Variants in MCHR2 observed in about 807,000 individuals in gnomAD.
MCHR2 encodes melanin-concentrating hormone receptor 2.
MCHR2 carries 15 observed loss-of-function variants against 24.8 expected under a neutral mutation model. That is an observed-to-expected ratio of 0.60 (90% CI 0.40 to 0.93). MCHR2 has a LOEUF of 0.93. MCHR2 is among the 40% of genes least tolerant of loss of function. The pLI, the probability that MCHR2 is intolerant of heterozygous loss-of-function variation, is 0.00. For missense variants in MCHR2, 386 were observed against 408.7 expected (o/e 0.94, Z 0.48); for synonymous variants, 151 against 147.6 (o/e 1.02, Z -0.17).
chr6:99,928,048 T>G (rs1383545733), intron 5 of MCHR2, among the ~76,000 whole-genome samples: 3 of 152,062 alleles, frequency 2.0e-5, no homozygotes, highest in Non-Finnish European at 4.4e-5. Context: ...TAGCATGAAG[T>G]GTTGTTGAAT....
chr6:99,927,623 T>A (rs564168459), intron 5 of MCHR2, among the ~76,000 whole-genome samples: 2 of 152,180 alleles, frequency 1.3e-5, no homozygotes, highest in East Asian at 3.9e-4. Context: ...TCACTCATGA[T>A]TTGGCTCTCT....
At chr6:99,976,124 T>A (rs1036200124) in intron 1 of MCHR2, among the ~76,000 whole-genome samples, 1 of 152,168 alleles carries the variant, frequency 6.6e-6, no homozygotes, top group Non-Finnish European at 1.5e-5. Flanking sequence ...CATTACAAAT[T>A]TTAAAAAGTT....
chr6:99,986,803 TTATATACATGGACCCTTAAG>T, intron 1 of MCHR2, among the ~76,000 whole-genome samples: 1 of 151,230 alleles, frequency 6.6e-6, no homozygotes, highest in South Asian at 2.1e-4. Context: ...CATGGATATA[TTATATACATGGACCCTTAAG>T]TATATACATG....
intron 5 of MCHR2, among the ~76,000 whole-genome samples, chr6:99,924,794 T>G (rs912271672): frequency 2.6e-5 from 4 of 152,120 alleles, no homozygotes; most frequent in African/African-American, 9.6e-5. Context: ...ATTTGAATTT[T>G]TAAAGACTTG....
chr6:99,944,800 C>T (rs11961103), intron 3 of MCHR2, among the ~76,000 whole-genome samples: 9 of 152,124 alleles, frequency 5.9e-5, no homozygotes, highest in African/African-American at 2.2e-4. Context: ...AGTGGTTTTC[C>T]ATCAATTTTC....
intron 2 of MCHR2, among the ~76,000 whole-genome samples, chr6:99,954,520 G>A (rs749121198): frequency 3.9e-5 from 6 of 152,212 alleles, no homozygotes; most frequent in Middle Eastern, 3.4e-3. Context: ...AACACACAGC[G>A]TCTCCAAGGG....
In MCHR2 at chr6:99,920,865, G is replaced by T. The variant is rs1774208172; in HGVS notation, c.*75C>A. ...CAAGAAGAATGGGCATAAACATATC[G>T]GTACACCTGCCCTTTCTGATAATAC... On this transcript the variant is annotated 3_prime_UTR_variant, in exon 6 of 6. Transcript: ENST00000281806. The T allele has an allele frequency of 3.5e-6, 5 of 1,422,310 alleles. No homozygotes were observed. Among genetic ancestry groups the T allele is most frequent in the Admixed American group, 1.8e-5 (1 of 54,770 alleles). The allele number at this position is 1,422,310 out of a possible 1,614,324, so 88.1% of individuals were successfully genotyped here. A position where few individuals can be genotyped will look rare whatever the true frequency, so the allele number is the denominator to read the frequency against.
intron 1 of MCHR2, among the ~76,000 whole-genome samples, chr6:99,984,951 C>T (rs1363342744): frequency 6.6e-6 from 1 of 152,016 alleles, no homozygotes; most frequent in Admixed American, 6.6e-5. Flanking sequence ...GAAGAGACTC[C>T]TAGAGTTGAT....
intron 1 of MCHR2, among the ~76,000 whole-genome samples, chr6:99,956,729 C>T (rs80343086): frequency 0.015 from 2,229 of 152,072 alleles, 20 homozygotes; most frequent in Middle Eastern, 0.041. Context: ...TTGTAGCCAG[C>T]GGAGGCACCA....
chr6:99,982,028 T>G (rs1282247593), intron 1 of MCHR2, among the ~76,000 whole-genome samples: 1 of 152,128 alleles, frequency 6.6e-6, no homozygotes, highest in African/African-American at 2.4e-5. Flanking sequence ...CCACATATCT[T>G]GCATCTAATT....
At chr6:99,979,237 C>T (rs529908333) in intron 1 of MCHR2, among the ~76,000 whole-genome samples, 1 of 152,264 alleles carries the variant, frequency 6.6e-6, no homozygotes, top group East Asian at 1.9e-4. Flanking sequence ...GCAGAAAGGT[C>T]CATAGAGGCA....
chr6:99,927,896 G>A (rs1299276874), intron 5 of MCHR2, among the ~76,000 whole-genome samples: 6 of 151,978 alleles, frequency 3.9e-5, no homozygotes, highest in Admixed American at 6.6e-5. Flanking sequence ...GGTGAGAGAG[G>A]GCATCCCTGT....
At chr6:99,992,281 G>C (rs1241771865) in intron 1 of MCHR2, among the ~76,000 whole-genome samples, 1 of 152,230 alleles carries the variant, frequency 6.6e-6, no homozygotes, top group African/African-American at 2.4e-5. Context: ...CCTGTGAAGG[G>C]GGAGGCTCCC....
chr6:99,938,628 A>G (rs913226817), intron 4 of MCHR2, among the ~76,000 whole-genome samples: 2 of 151,888 alleles, frequency 1.3e-5, no homozygotes, highest in Admixed American at 6.6e-5. Context: ...ATTCTGGGGG[A>G]ATGTTCTATA....
chr6:99,982,073 A>AC (rs1392709771), intron 1 of MCHR2, among the ~76,000 whole-genome samples: 1 of 151,194 alleles, frequency 6.6e-6, no homozygotes, highest in Admixed American at 6.6e-5. Context: ...ATCTCCCTAA[A>AC]CCCCCCGCTC....
chr6:99,935,920 G>T (rs1285661278), intron 4 of MCHR2, among the ~76,000 whole-genome samples: 1 of 151,884 alleles, frequency 6.6e-6, no homozygotes, highest in Non-Finnish European at 1.5e-5. Flanking sequence ...TCTCCTTGTG[G>T]TTTTGATTTG....
chr6:99,919,044 C>T lies in MCHR2; in HGVS notation c.*1896G>A, dbSNP rs569022002. Among the ~76,000 whole-genome samples, 1 of 152,214 alleles carries T rather than the reference C, an allele frequency of 6.6e-6. No individual in the cohort carries two copies. The highest frequency in any genetic ancestry group is 2.1e-4 in the South Asian group (1 of 4,814). On this transcript the variant is annotated 3_prime_UTR_variant, in exon 6 of 6. Transcript: ENST00000281806. ...TTTCTGACCCATTGTGCTGGGTCTTCAGAAGTCAATATTATTCACTGAGCC... is the reference window on the plus strand; with the variant it reads ...TTTCTGACCCATTGTGCTGGGTCTTTAGAAGTCAATATTATTCACTGAGCC...
chr6:99,987,711 G>C (rs968634324), intron 1 of MCHR2, among the ~76,000 whole-genome samples: 4 of 152,012 alleles, frequency 2.6e-5, no homozygotes, highest in African/African-American at 9.7e-5. Flanking sequence ...GAAAAAGTAA[G>C]CAAAATATAA....
chr6:99,980,237 A>G (rs1333917969), intron 1 of MCHR2, among the ~76,000 whole-genome samples: 2 of 152,198 alleles, frequency 1.3e-5, no homozygotes, highest in Non-Finnish European at 2.9e-5. Context: ...TCCCAGCACC[A>G]CAGTCTCACC....
Sources: gnomAD v4.1 joint callset for allele counts (sites outside exome capture counted in the v4.1 genomes callset) on GRCh38, gnomAD v4.1.1 for gene constraint, MANE v1.5 for transcripts, NCBI Gene and HGNC (gene_info 2026-07-23, HGNC 2026-07-21) for gene names.